The following NCOA5 variants were observed in gnomAD, a reference collection of about 807,000 sequenced individuals.
The protein encoded by NCOA5 is NCoA-5.
NCOA5 carries 12 observed loss-of-function variants against 59.0 expected under a neutral mutation model. The ratio of observed to expected loss-of-function variants is 0.20; its 90% confidence interval spans 0.13 to 0.33. The LOEUF (loss-of-function observed/expected upper bound fraction) is 0.33, where lower values mean the gene tolerates loss of function less well. Ranked by LOEUF, NCOA5 falls within the 10% of genes least tolerant of loss-of-function variation. The pLI, the probability that NCOA5 is intolerant of heterozygous loss-of-function variation, is 1.00. For missense variants in NCOA5, 655 were observed against 766.6 expected (o/e 0.85, Z 1.72); for synonymous variants, 270 against 275.5 (o/e 0.98, Z 0.20).
intron 2 of NCOA5, among the ~76,000 whole-genome samples, chr20:46,071,903 CAAT>C (rs917232575): frequency 4.6e-5 from 7 of 152,150 alleles, no homozygotes; most frequent in Non-Finnish European, 1.0e-4. Context: ...CCTTTTACAA[CAAT>C]GTCTTATGTC....
At chr20:46,073,460 T>C (rs576472159) in intron 2 of NCOA5, among the ~76,000 whole-genome samples, 1 of 152,360 alleles carries the variant, frequency 6.6e-6, no homozygotes, top group East Asian at 1.9e-4. Context: ...CCTTATTACA[T>C]CATATAATCT....
rs370438594 is a variant in NCOA5, at chr20:46,062,325, A to G, written c.1715T>C (p.Met572Thr). 3.7e-6 allele frequency: 6 copies of G among 1,613,748 alleles called. No homozygotes were observed. Among genetic ancestry groups the G allele is most frequent in the Non-Finnish European group, 5.1e-6 (6 of 1,179,942 alleles). Residue 572 changes from methionine to threonine, a missense_variant, in exon 8 of 8, where the codon ATG (methionine) becomes ACG (threonine). Coordinates refer to ENST00000290231, the MANE Select transcript of NCOA5 (RefSeq NM_020967.3). ...TAQMGQPQAP[M>T]GSYQRHY ...TCAGTAATGCCTCTGGTAAGATCCCATGGGGGCCTGTGGCTGCCCCATCTG... is the reference window on the plus strand; with the variant it reads ...TCAGTAATGCCTCTGGTAAGATCCCGTGGGGGCCTGTGGCTGCCCCATCTG...
chr20:46,075,200 A>C (rs888202080), intron 2 of NCOA5, among the ~76,000 whole-genome samples: 1 of 152,190 alleles, frequency 6.6e-6, no homozygotes, highest in Non-Finnish European at 1.5e-5. Context: ...ACAGACCCAA[A>C]TTTTACACAT....
chr20:46,062,886 G>A lies in NCOA5; in HGVS notation c.1154C>T (p.Pro385Leu), dbSNP rs747444979. 9.2e-6 allele frequency: 14 copies of A among 1,514,068 alleles called. No individual in the cohort carries two copies. The East Asian group carries it at 1.6e-4, about 17-fold the overall frequency. The allele number at this position is 1,514,068 out of a possible 1,614,324, so 93.8% of individuals were successfully genotyped here. ...CGCCCCGAGTGGTTGGCGGGAAATC[G>A]GGCCTGGAAGACAGAAGAGGGAGGT... The part of the protein sequence containing the change: ...MRSSTDSLPG[P>L]ISRQPLGATS... The change falls in exon 8 of 8, where the codon CCG (proline) becomes CTG (leucine). Residue 385 changes from proline (P) to leucine (L), a missense_variant. Physicochemically the swap from Pro to Leu is moderately conservative, Grantham distance 98. Coordinates refer to ENST00000290231, the MANE Select transcript of NCOA5 (RefSeq NM_020967.3).
Position 46,062,063 on chromosome 20 carries a change from A to G in NCOA5, c.*237T>C. The G allele has an allele frequency of 4.7e-6, 2 of 422,708 alleles. No individual in the cohort carries two copies. The highest frequency in any genetic ancestry group is 4.8e-5 in the South Asian group (1 of 20,966). 26.2% of individuals were successfully genotyped at this position (422,708 alleles called of 1,614,324 possible). ...CCAGACACCTGTACTGCCCCCGGAG[A>G]TATTTATTTTCTACAAAACAAAAAA... is the stretch of plus-strand genomic sequence containing the variant. On this transcript the variant is annotated 3_prime_UTR_variant, in exon 8 of 8. Coordinates refer to ENST00000290231, the MANE Select transcript of NCOA5 (RefSeq NM_020967.3).
intron 1 of NCOA5, among the ~76,000 whole-genome samples, chr20:46,089,277 ACAC>A (rs1353802125): frequency 6.6e-6 from 1 of 152,008 alleles, no homozygotes; most frequent in African/African-American, 2.4e-5. Flanking sequence ...GTGGGGTGTC[ACAC>A]CACAAGGAGA....
At chr20:46,079,254 G>A in intron 2 of NCOA5, 133 bp downstream of exon 2, 1 of 807,586 alleles carries the variant, frequency 1.2e-6, no homozygotes, top group Middle Eastern at 2.3e-4. Flanking sequence ...CTTCACACAG[G>A]GTTCATGTTC....
chr20:46,062,243 A>G lies in NCOA5; in HGVS notation c.*57T>C. The G allele has an allele frequency of 2.2e-6, 3 of 1,385,390 alleles. No individual in the cohort carries two copies. Among genetic ancestry groups the G allele is most frequent in the Non-Finnish European group, 3.0e-6 (3 of 1,004,594 alleles). 85.8% of individuals were successfully genotyped at this position (1,385,390 alleles called of 1,614,324 possible). A position where few individuals can be genotyped will look rare whatever the true frequency, so the allele number is the denominator to read the frequency against. ...CCTCCAAACAGCTCTATTTAGAACA[A>G]GTAAGTGGGAGGAGGCCAGGGGATG... On this transcript the variant is annotated 3_prime_UTR_variant, in exon 8 of 8. Coordinates refer to ENST00000290231, the MANE Select transcript of NCOA5 (RefSeq NM_020967.3).
intron 1 of NCOA5, among the ~76,000 whole-genome samples, chr20:46,088,004 T>TATATA (rs11086994): frequency 6.6e-6 from 1 of 151,178 alleles, no homozygotes; most frequent in Non-Finnish European, 1.5e-5. Context: ...TATATATATA[T>TATATA]TTTTTTACAC....
intron 1 of NCOA5, among the ~76,000 whole-genome samples, chr20:46,088,067 G>A (rs1031151511): frequency 1.3e-5 from 2 of 152,084 alleles, no homozygotes; most frequent in African/African-American, 4.8e-5. Flanking sequence ...TGACTTATGG[G>A]ACTTTCCTGT....
At chr20:46,084,868 T>G (rs1187219991) in intron 1 of NCOA5, among the ~76,000 whole-genome samples, 4 of 152,208 alleles carry the variant, frequency 2.6e-5, no homozygotes, top group Non-Finnish European at 4.4e-5. Context: ...AATTTTCAAC[T>G]AAACTGTACA....
intron 1 of NCOA5, among the ~76,000 whole-genome samples, chr20:46,087,774 A>G (rs2085059518): frequency 6.6e-6 from 1 of 152,050 alleles, no homozygotes; most frequent in African/African-American, 2.4e-5. Context: ...AAAACAAACA[A>G]GTTGTTTTTT....
intron 1 of NCOA5, among the ~76,000 whole-genome samples, chr20:46,089,371 A>T (rs972357343): frequency 2.6e-5 from 4 of 152,222 alleles, no homozygotes; most frequent in African/African-American, 9.6e-5. Context: ...GCACGCCTGG[A>T]GAACGCCCGG....
intron 2 of NCOA5, among the ~76,000 whole-genome samples, chr20:46,074,455 A>G (rs1376683538): frequency 6.6e-6 from 1 of 152,236 alleles, no homozygotes; most frequent in Non-Finnish European, 1.5e-5. Flanking sequence ...AGAGGATAAA[A>G]AGAAACTGAA....
chr20:46,065,450 AC>A (rs961668890), intron 5 of NCOA5, among the ~76,000 whole-genome samples: 1 of 152,122 alleles, frequency 6.6e-6, no homozygotes, highest in African/African-American at 2.4e-5. Context: ...ACAGTATGAT[AC>A]CCAGGTCCTT....
rs2084867641 is a variant in NCOA5, at chr20:46,070,272, A to T, written c.303T>A (p.Asp101Glu). The part of the protein sequence containing the change: ...RDLRDSRDFR[D>E]QRDPMYDRYR... ...ATCTGTCGTACATGGGGTCTCGCTG[A>T]TCTCGAAAATCCCTAGAGTCTCTTA... The change falls in exon 3 of 8, where the codon GAT becomes GAA. Residue 101 changes from aspartate to glutamate, a missense_variant. Transcript: ENST00000290231. The T allele has an allele frequency of 6.2e-7, 1 of 1,614,076 alleles. No individual in the cohort carries two copies. Among genetic ancestry groups the T allele is most frequent in the Non-Finnish European group, 8.5e-7 (1 of 1,180,028 alleles).
intron 3 of NCOA5, 68 bp from the exon 4 acceptor site, chr20:46,068,706 T>C: frequency 6.7e-7 from 1 of 1,486,282 alleles, no homozygotes; most frequent in Non-Finnish European, 9.2e-7. Context: ...ACCTAGAGAA[T>C]TCTCTGGGAT....
intron 6 of NCOA5, among the ~76,000 whole-genome samples, chr20:46,064,731 C>T (rs1344644078): frequency 2.0e-5 from 3 of 152,188 alleles, no homozygotes; most frequent in African/African-American, 7.2e-5. Flanking sequence ...AGTATTTACA[C>T]CATGGAGATC....
intron 2 of NCOA5, among the ~76,000 whole-genome samples, chr20:46,077,162 G>A (rs565307545): frequency 9.9e-5 from 15 of 152,210 alleles, no homozygotes; most frequent in African/African-American, 2.6e-4. Context: ...CGCCCACCTC[G>A]TCCTCCCAAA....
Sources: allele counts gnomAD v4.1 joint callset (sites outside exome capture counted in the v4.1 genomes callset), GRCh38; gene constraint gnomAD v4.1.1; transcripts MANE v1.5; gene names NCBI Gene and HGNC (gene_info 2026-07-23, HGNC 2026-07-21).